The following NOTCH2 variants were observed in gnomAD, a reference collection of about 807,000 sequenced individuals.
NOTCH2 encodes the protein notch receptor 2.
Under a neutral mutation model 235.8 loss-of-function variants are expected in NOTCH2, and 29 were observed. The ratio of observed to expected loss-of-function variants is 0.12; its 90% confidence interval spans 0.09 to 0.17. The LOEUF (loss-of-function observed/expected upper bound fraction) is 0.17, where lower values mean the gene tolerates loss of function less well. Among genes scored for constraint, NOTCH2 ranks in the 10% least tolerant of loss-of-function variants. The pLI, the probability that NOTCH2 is intolerant of heterozygous loss-of-function variation, is 1.00. For synonymous variants in NOTCH2, 1,086 were observed against 1,141.5 expected (o/e 0.95, Z 0.98); for missense variants, 2,285 against 3,150.2 (o/e 0.73, Z 6.57).
At chr1:120,048,140 C>T (rs1180891978) in intron 1 of NOTCH2, among the ~76,000 whole-genome samples, 1 of 146,306 alleles carries the variant, frequency 6.8e-6, no homozygotes, top group African/African-American at 2.6e-5. Context: ...ACATATAGTC[C>T]CATAGCCAAG....
At position 119,913,294 on chromosome 1, in the gene NOTCH2, A is replaced by G. The variant is rs1648952107; in HGVS notation, c.*2012T>C. On this transcript the variant is annotated 3_prime_UTR_variant, in exon 34 of 34. Coordinates refer to ENST00000256646, the MANE Select transcript of NOTCH2 (RefSeq NM_024408.4). ...TGTTGGTTCAATAAATTTGGATAGG[A>G]CTGAAAAAACCATTTGTAAACTATT... is the stretch of plus-strand genomic sequence containing the variant. The G allele has an allele frequency of 1.7e-5, 4 of 233,198 alleles. No homozygotes were observed. Among genetic ancestry groups the G allele is most frequent in the Non-Finnish European group, 8.5e-6 (1 of 118,078 alleles). 14.4% of individuals were successfully genotyped at this position (233,198 alleles called of 1,614,324 possible).
chr1:119,920,650 T>C (rs1158341291), intron 29 of NOTCH2, among the ~76,000 whole-genome samples: 2 of 152,172 alleles, frequency 1.3e-5, no homozygotes, highest in East Asian at 3.8e-4. Context: ...CCTTTAGATC[T>C]CCAGAGCACC....
At chr1:120,055,545 C>T (rs1210172751) in intron 1 of NOTCH2, among the ~76,000 whole-genome samples, 22 of 117,080 alleles carry the variant, frequency 1.9e-4, no homozygotes, top group African/African-American at 5.7e-4. Context: ...TGTGCTTACA[C>T]GTAATTATAA....
chr1:119,994,529 TACACACACACACACACACAC>T (rs36007595), intron 4 of NOTCH2: 1 of 111,842 alleles, frequency 8.9e-6, no homozygotes, highest in African/African-American at 4.3e-5. Context: ...CATATATATA[TACACACACACACACACACAC>T]ACACACACAC....
chr1:119,970,961 A>G (rs1355318717), intron 5 of NOTCH2, among the ~76,000 whole-genome samples: 1 of 152,220 alleles, frequency 6.6e-6, no homozygotes, highest in African/African-American at 2.4e-5. Context: ...AAAAGAACAC[A>G]ATATTTGTGC....
chr1:119,942,894 G>A (rs2493419), intron 17 of NOTCH2, among the ~76,000 whole-genome samples: 42,928 of 132,272 alleles, frequency 0.32, 11,214 homozygotes, highest in African/African-American at 0.73. Context: ...TTTTTTTTTG[G>A]TGAAGTCTCA....
intron 5 of NOTCH2, among the ~76,000 whole-genome samples, chr1:119,978,738 G>A (rs2101166046): frequency 1.3e-5 from 2 of 152,176 alleles, no homozygotes; most frequent in Admixed American, 1.3e-4. Context: ...CCCACCTTAG[G>A]CTGCTGGGTT....
intron 21 of NOTCH2, 96 bp from the exon 22 acceptor site, chr1:119,935,700 T>C: frequency 1.5e-6 from 2 of 1,315,100 alleles, no homozygotes; most frequent in Non-Finnish European, 2.2e-6. Flanking sequence ...TGTGACTGTC[T>C]CCCACCTCCT....
chr1:119,940,705 G>A lies in NOTCH2; in HGVS notation c.3033C>T (p.Cys1011=), dbSNP rs1293817590. 2.5e-6 allele frequency: 4 copies of A among 1,614,108 alleles called. No homozygotes were observed. The highest frequency in any genetic ancestry group is 1.7e-6 in the Non-Finnish European group (2 of 1,180,040). ...TCVDGINSFS[C]LCPVGFTGSF... Reference sequence around the variant, plus strand: ...ATCCAGTGAAACCCACAGGGCACAAGCAAGAGAAGGAGTTAATCCCATCAA... The same window carrying A: ...ATCCAGTGAAACCCACAGGGCACAAACAAGAGAAGGAGTTAATCCCATCAA... The change falls in exon 19 of 34, where the codon TGC becomes TGT. Residue 1011 remains cysteine, a synonymous_variant. Transcript: ENST00000256646.
intron 28 of NOTCH2, 87 bp from the exon 29 acceptor site, chr1:119,921,896 C>A: frequency 8.8e-7 from 1 of 1,130,608 alleles, no homozygotes; most frequent in South Asian, 1.3e-5. Context: ...GACACACTCC[C>A]GTGGCTATAT....
intron 22 of NOTCH2, among the ~76,000 whole-genome samples, chr1:119,933,180 C>T (rs1275747146): frequency 2.0e-5 from 3 of 152,178 alleles, no homozygotes; most frequent in Non-Finnish European, 2.9e-5. Context: ...GAGAACTCAA[C>T]CTCAGCCTGA....
chr1:119,980,093 A>G (rs918480537), intron 5 of NOTCH2, among the ~76,000 whole-genome samples: 1 of 152,140 alleles, frequency 6.6e-6, no homozygotes, highest in South Asian at 2.1e-4. Flanking sequence ...AGGACCAGTA[A>G]GGTCATCTGA....
In NOTCH2 at chr1:119,921,566, G is replaced by T. The variant is rs1649285078; in HGVS notation, c.5310+147C>A. 13 of 746,534 alleles carry T rather than the reference G, an allele frequency of 1.7e-5. No homozygotes were observed. In the South Asian group the frequency reaches 1.9e-4, roughly 11 times the overall value. The allele number at this position is 746,534 out of a possible 1,614,324, so 46.2% of individuals were successfully genotyped here. On this transcript the variant is annotated intron_variant, in intron 29 of 33. Transcript: ENST00000256646. Reference sequence around the variant, plus strand: ...ACGTCCTAAGGATTCCTGCTGTTTAGGAGAACCTAGGATAGTTATTGTCTG... The same window carrying T: ...ACGTCCTAAGGATTCCTGCTGTTTATGAGAACCTAGGATAGTTATTGTCTG...
chr1:120,025,144 A>G (rs1346618674), intron 2 of NOTCH2, among the ~76,000 whole-genome samples: 7 of 151,486 alleles, frequency 4.6e-5, no homozygotes, highest in African/African-American at 1.7e-4. Flanking sequence ...TGAGGAGAAA[A>G]ATTCCTGGAA....
Position 120,017,270 on chromosome 1 carries a change from A to G in NOTCH2, c.156-11682T>C, listed in dbSNP as rs587649145. Among the ~76,000 whole-genome samples, 130 of 144,154 alleles carry G rather than the reference A, an allele frequency of 9.0e-4. No individual in the cohort carries two copies. In the Middle Eastern group the frequency reaches 0.018, roughly 20 times the overall value. 94.6% of individuals were successfully genotyped at this position (144,154 alleles called of 152,430 possible). ...TTCCAGACCTCTGTACACGCTGTTC[A>G]GTCAGCCCAAAATGCTTTTCCCCAC... On this transcript the variant is annotated intron_variant, in intron 2 of 33. Transcript: ENST00000256646.
At chr1:119,946,391 A>G (rs1466615956) in intron 17 of NOTCH2, among the ~76,000 whole-genome samples, 1 of 152,092 alleles carries the variant, frequency 6.6e-6, no homozygotes, top group Non-Finnish European at 1.5e-5. Flanking sequence ...GAACACAGAT[A>G]TAGAAATCCT....
intron 17 of NOTCH2, among the ~76,000 whole-genome samples, chr1:119,946,408 C>T (rs1476742775): frequency 6.6e-6 from 1 of 152,032 alleles, no homozygotes; most frequent in African/African-American, 2.4e-5. Flanking sequence ...TCCTTAACAA[C>T]ATTTTGGCAA....
chr1:120,010,221 T>C (rs1653131891), intron 2 of NOTCH2, among the ~76,000 whole-genome samples: 1 of 152,122 alleles, frequency 6.6e-6, no homozygotes, highest in Non-Finnish European at 1.5e-5. Flanking sequence ...ATACAAATTC[T>C]GATCATCTTA....
chr1:119,985,681 GA>G (rs1181380518), intron 5 of NOTCH2, among the ~76,000 whole-genome samples: 6 of 151,592 alleles, frequency 4.0e-5, no homozygotes, highest in South Asian at 2.1e-4. Context: ...ATTAAAAAGA[GA>G]AAAAAAACAC....
Sources: allele counts gnomAD v4.1 joint callset (sites outside exome capture counted in the v4.1 genomes callset), GRCh38; gene constraint gnomAD v4.1.1; transcripts MANE v1.5; gene names NCBI Gene and HGNC (gene_info 2026-07-23, HGNC 2026-07-21).